Variants in FRMD5 observed in about 807,000 individuals in gnomAD.
FRMD5 encodes the protein FERM domain containing 5, also known as FERM domain-containing protein 5.
A neutral mutation model predicts 69.0 loss-of-function variants in FRMD5; 20 were observed. The ratio of observed to expected loss-of-function variants is 0.29; its 90% CI spans 0.20 to 0.42. The LOEUF (loss-of-function observed/expected upper bound fraction) is 0.42. FRMD5 is among the 10% of genes least tolerant of loss of function. The probability of loss-of-function intolerance (pLI) is 1.00; values close to 1 mark genes in which losing one functional copy is unlikely to be tolerated. For missense variants in FRMD5, 595 were observed against 708.6 expected, an observed-to-expected ratio of 0.84 and a Z score of 1.82; for synonymous variants, 271 against 260.1, an observed-to-expected ratio of 1.04 and a Z score of -0.40.
intron 1 of FRMD5, among the ~76,000 whole-genome samples, chr15:44,078,428 T>C (rs142642414): frequency 1.2e-4 from 19 of 152,258 alleles, no homozygotes; most frequent in African/African-American, 1.7e-4. Flanking sequence ...AGTATGTTAC[T>C]GTCCTATAAT....
At chr15:44,191,680 G>C (rs933861705) in intron 1 of FRMD5, among the ~76,000 whole-genome samples, 3 of 151,454 alleles carry the variant, frequency 2.0e-5, no homozygotes, top group African/African-American at 7.3e-5. Flanking sequence ...AGGCTGAGGC[G>C]AGAGAATCAC....
chr15:44,126,609 G>T (rs1425838515), intron 1 of FRMD5, among the ~76,000 whole-genome samples: 1 of 152,118 alleles, frequency 6.6e-6, no homozygotes, highest in African/African-American at 2.4e-5. Flanking sequence ...TCCAATCTGA[G>T]TTTCACATTC....
chr15:43,992,472 G>T (rs1489796292), intron 1 of FRMD5, among the ~76,000 whole-genome samples: 1 of 151,896 alleles, frequency 6.6e-6, no homozygotes, highest in African/African-American at 2.4e-5. Context: ...TCTGCCTCTG[G>T]GTTCAAACAA....
intron 1 of FRMD5, among the ~76,000 whole-genome samples, chr15:44,073,581 T>C (rs1893630699): frequency 6.6e-6 from 1 of 152,210 alleles, no homozygotes; most frequent in Non-Finnish European, 1.5e-5. Context: ...CTTCAAATCC[T>C]TGACCTGGCC....
intron 1 of FRMD5, among the ~76,000 whole-genome samples, chr15:44,017,618 T>C (rs1286435046): frequency 1.3e-5 from 2 of 150,416 alleles, no homozygotes; most frequent in Non-Finnish European, 3.0e-5. Flanking sequence ...ATATTTCTTT[T>C]TTTTTTTTTT....
rs754759537 is a variant in FRMD5 at position 43,873,269 on chromosome 15, C to G, written c.*616G>C. 1 of 1,543,744 alleles carries G rather than the reference C, an allele frequency of 6.5e-7. No homozygotes were observed. The highest frequency in any genetic ancestry group is 1.2e-5 in the South Asian group (1 of 82,800). On this transcript the variant is annotated 3_prime_UTR_variant, in exon 14 of 14. Transcript: ENST00000417257. ...AAAGGAAAAGAAAATCCAACTCAGA[C>G]CATCATAAGAAGCAACTTTCCATTT...
chr15:44,168,129 C>T (rs1307956818), intron 1 of FRMD5, among the ~76,000 whole-genome samples: 2 of 152,098 alleles, frequency 1.3e-5, no homozygotes, highest in Non-Finnish European at 2.9e-5. Context: ...TTAGGACAAC[C>T]GTTAGAATAA....
chr15:43,973,134 T>C (rs970557961), intron 1 of FRMD5, among the ~76,000 whole-genome samples: 2 of 152,070 alleles, frequency 1.3e-5, no homozygotes, highest in African/African-American at 4.8e-5. Context: ...GCCATTCTCC[T>C]GCCTCAGCCT....
intron 1 of FRMD5, among the ~76,000 whole-genome samples, chr15:44,014,024 T>G (rs539913616): frequency 8.5e-4 from 130 of 152,058 alleles, no homozygotes; most frequent in African/African-American, 2.9e-3. Context: ...GCCCGGCTAA[T>G]TTTTTGTATT....
At chr15:44,197,922 CT>C (rs921016025), upstream of FRMD5, among the ~76,000 whole-genome samples, 11 of 152,090 alleles carry the variant, frequency 7.2e-5, no homozygotes, top group Non-Finnish European at 1.5e-4. Flanking sequence ...TGAATGCAGT[CT>C]TTTTTCGAAG....
chr15:44,156,611 T>C (rs1222960269), intron 1 of FRMD5, among the ~76,000 whole-genome samples: 1 of 152,214 alleles, frequency 6.6e-6, no homozygotes, highest in Non-Finnish European at 1.5e-5. Flanking sequence ...TCCAGGAACA[T>C]ATATATGATC....
intron 1 of FRMD5, among the ~76,000 whole-genome samples, chr15:44,129,201 CT>C (rs2077065330): frequency 6.6e-6 from 1 of 152,066 alleles, no homozygotes; most frequent in Non-Finnish European, 1.5e-5. Flanking sequence ...AAAAAAATCC[CT>C]TGCTTACATG....
At chr15:44,081,887 T>C (rs1894011597) in intron 1 of FRMD5, among the ~76,000 whole-genome samples, 1 of 151,912 alleles carries the variant, frequency 6.6e-6, no homozygotes, top group Non-Finnish European at 1.5e-5. Context: ...CTGCTACATA[T>C]AGACAGCCTC....
Position 43,919,543 on chromosome 15 carries a change from G to A in FRMD5, c.251-6C>T, listed in dbSNP as rs1297847375. On this transcript the variant is annotated splice_region_variant and splice_polypyrimidine_tract_variant and intron_variant, in intron 3 of 13. Coordinates refer to ENST00000417257, the MANE Select transcript of FRMD5 (RefSeq NM_032892.5). ...CATGGTGAATGGAGGCTGGGCTGCA[G>A]AGAAAAAGAGGTGCTCATCAGGGAA... is the stretch of plus-strand genomic sequence containing the variant. The A allele has an allele frequency of 2.5e-6, 4 of 1,613,578 alleles. No homozygotes were observed. In the African/African-American group the frequency reaches 4.0e-5, roughly 16 times the overall value.
At chr15:44,050,739 C>G (rs1892628192) in intron 1 of FRMD5, among the ~76,000 whole-genome samples, 1 of 151,760 alleles carries the variant, frequency 6.6e-6, no homozygotes, top group East Asian at 1.9e-4. Context: ...CTCACTGCAA[C>G]CTCTGCCTCA....
At chr15:44,059,972 T>C (rs1363643703) in intron 1 of FRMD5, among the ~76,000 whole-genome samples, 7 of 152,178 alleles carry the variant, frequency 4.6e-5, no homozygotes, top group African/African-American at 1.7e-4. Flanking sequence ...TAGCCAAAAG[T>C]GCTAAAGAGC....
intron 1 of FRMD5, among the ~76,000 whole-genome samples, chr15:43,996,106 G>A (rs1889910138): frequency 6.6e-6 from 1 of 152,190 alleles, no homozygotes; most frequent in Admixed American, 6.5e-5. Flanking sequence ...CTGGGGTTGT[G>A]TGGGCTGACC....
At chr15:44,093,603 C>T (rs1396808059) in intron 1 of FRMD5, among the ~76,000 whole-genome samples, 2 of 149,826 alleles carry the variant, frequency 1.3e-5, no homozygotes, top group African/African-American at 4.9e-5. Flanking sequence ...GACGGAGTCT[C>T]GCTCTGTCGC....
chr15:43,998,794 G>A (rs1890052637), intron 1 of FRMD5, among the ~76,000 whole-genome samples: 1 of 152,192 alleles, frequency 6.6e-6, no homozygotes, highest in Non-Finnish European at 1.5e-5. Context: ...AGGAAGTTCA[G>A]TATGATTTGA....
Sources: allele counts gnomAD v4.1 joint callset (sites outside exome capture counted in the v4.1 genomes callset), GRCh38; gene constraint gnomAD v4.1.1; transcripts MANE v1.5; gene names NCBI Gene and HGNC (gene_info 2026-07-23, HGNC 2026-07-21).